ROCK2: variants seen among roughly 807,000 people sequenced by gnomAD.
ROCK2 encodes rho-associated protein kinase 2.
Under a neutral mutation model 195.1 loss-of-function variants are expected in ROCK2, and 61 were observed. The ratio of observed to expected loss-of-function variants is 0.31; its 90% CI spans 0.25 to 0.39. ROCK2 has a LOEUF of 0.39. Ranked by LOEUF, ROCK2 falls within the 10% of genes least tolerant of loss-of-function variation. The pLI is 1.00. For missense variants in ROCK2, 1,109 were observed against 1,637.4 expected (o/e 0.68, Z 5.57); for synonymous variants, 504 against 545.5 (o/e 0.92, Z 1.06).
chr2:11,308,597 G>A lies in ROCK2; in HGVS notation c.142-20861C>T, dbSNP rs985862896. On this transcript the variant is annotated intron_variant, in intron 1 of 32. Transcript: ENST00000315872. ...CATCAATCCCTATATTACAGTTAGT[G>A]TAAAGGATCTGAATGGCATAGACTT... is the stretch of plus-strand genomic sequence containing the variant. The A allele has an allele frequency of 4.7e-6, 7 of 1,494,714 alleles. No individual in the cohort carries two copies. In the African/African-American group the frequency reaches 8.3e-5, roughly 18 times the overall value. 92.6% of individuals were successfully genotyped at this position (1,494,714 alleles called of 1,614,324 possible). A position where few individuals can be genotyped will look rare whatever the true frequency, so the allele number is the denominator to read the frequency against.
chr2:11,214,573 CAGA>C (rs1361856346), intron 16 of ROCK2, 110 bp from the exon 17 acceptor site: 14 of 705,796 alleles, frequency 2.0e-5, no homozygotes, highest in Admixed American at 9.0e-5. Flanking sequence ...TGTTTGTGAG[CAGA>C]AGTTTTATAC....
chr2:11,294,209 GGAAA>G (rs1370804794), intron 1 of ROCK2, among the ~76,000 whole-genome samples: 1 of 151,534 alleles, frequency 6.6e-6, no homozygotes, highest in African/African-American at 2.4e-5. Context: ...AGAAAAGAAA[GGAAA>G]GAAAGGAAAG....
intron 1 of ROCK2, among the ~76,000 whole-genome samples, chr2:11,330,127 A>G (rs1030635065): frequency 1.3e-5 from 2 of 152,360 alleles, no homozygotes; most frequent in East Asian, 3.9e-4. Flanking sequence ...TAAATCATCC[A>G]TAACACTCTT....
Position 11,181,631 on chromosome 2 carries a change from C to CTTTTTTTTTTTTT in ROCK2, c.*1793_*1805dup, listed in dbSNP as rs397817126. ...TTTCCTTCATCGAAATATTAGATGA[C>CTTTTTTTTTTTTT]TTTTTTTTTTTTTTTTTTTTGAGAC... On this transcript the variant is annotated 3_prime_UTR_variant, in exon 33 of 33. Coordinates refer to ENST00000315872, the MANE Select transcript of ROCK2 (RefSeq NM_004850.5). The CTTTTTTTTTTTTT allele has an allele frequency of 3.1e-5, 4 of 130,114 alleles. No individual in the cohort carries two copies. Among genetic ancestry groups the CTTTTTTTTTTTTT allele is most frequent in the Non-Finnish European group, 6.5e-5 (4 of 61,468 alleles). 8.1% of individuals were successfully genotyped at this position (130,114 alleles called of 1,614,324 possible).
chr2:11,247,178 G>A (rs1052600824), intron 4 of ROCK2, among the ~76,000 whole-genome samples: 3 of 151,956 alleles, frequency 2.0e-5, no homozygotes, highest in African/African-American at 4.8e-5. Flanking sequence ...ACATAAAATA[G>A]AATAGCAGTT....
chr2:11,198,889 T>TC (rs1663742790), intron 23 of ROCK2, 115 bp from the exon 24 acceptor site: 4 of 698,206 alleles, frequency 5.7e-6, no homozygotes, highest in African/African-American at 1.8e-5. Flanking sequence ...TTTTCTTTTT[T>TC]TTTTTTTTTT....
At position 11,248,524 on chromosome 2, in the gene ROCK2, A is replaced by G. The variant is rs535984460; in HGVS notation, c.462+1137T>C. 2.9e-3 allele frequency among the ~76,000 whole-genome samples: 434 copies of G among 152,012 alleles called. 5 individuals carry two copies. Among genetic ancestry groups the G allele is most frequent in the Non-Finnish European group, 4.0e-3 (270 of 67,956 alleles). On this transcript the variant is annotated intron_variant, in intron 4 of 32. Coordinates refer to ENST00000315872, the MANE Select transcript of ROCK2 (RefSeq NM_004850.5). ...GCAGTTCAAGACCAGCCTGGCCAAC[A>G]TGGCAAAAACCCCATCTCTACTAAA... is the stretch of plus-strand genomic sequence containing the variant.
intron 1 of ROCK2, among the ~76,000 whole-genome samples, chr2:11,314,848 A>C (rs1315664863): frequency 6.6e-6 from 1 of 152,024 alleles, no homozygotes; most frequent in Non-Finnish European, 1.5e-5. Flanking sequence ...AGCTGCAAAA[A>C]AGGAAAAATG....
intron 27 of ROCK2, among the ~76,000 whole-genome samples, chr2:11,196,435 G>A (rs1663639389): frequency 6.6e-6 from 1 of 152,292 alleles, no homozygotes; most frequent in South Asian, 2.1e-4. Flanking sequence ...GTGAAACCAT[G>A]CGCTCTTAAG....
At chr2:11,238,546 A>G (rs10187981) in intron 4 of ROCK2, among the ~76,000 whole-genome samples, 37,771 of 152,102 alleles carry the variant, frequency 0.25, 5,401 homozygotes, top group East Asian at 0.54. Context: ...CTACAAAATT[A>G]CAATAATCAA....
At chr2:11,191,638 A>T (rs1253225774) in intron 32 of ROCK2, among the ~76,000 whole-genome samples, 1 of 152,208 alleles carries the variant, frequency 6.6e-6, no homozygotes, top group Non-Finnish European at 1.5e-5. Flanking sequence ...AAGTTATTAA[A>T]TTACTCAAGT....
At chr2:11,242,555 C>A (rs1236798167) in intron 4 of ROCK2, among the ~76,000 whole-genome samples, 1 of 152,036 alleles carries the variant, frequency 6.6e-6, no homozygotes. Context: ...AGCAGAATCC[C>A]ACCCTAAATC....
intron 5 of ROCK2, among the ~76,000 whole-genome samples, chr2:11,230,497 A>G (rs1277502961): frequency 3.3e-5 from 5 of 152,172 alleles, no homozygotes. Flanking sequence ...CAAGACTTCT[A>G]AGCCATAAAG....
chr2:11,329,102 A>AC (rs199519099), intron 1 of ROCK2, among the ~76,000 whole-genome samples: 212 of 151,254 alleles, frequency 1.4e-3, no homozygotes, highest in African/African-American at 5.1e-3. Flanking sequence ...AAAAGAAACA[A>AC]AAAAAAATAC....
At chr2:11,198,840 C>A in intron 23 of ROCK2, 66 bp from the exon 24 acceptor site, 7 of 870,242 alleles carry the variant, frequency 8.0e-6, no homozygotes, top group South Asian at 1.6e-5. Flanking sequence ...TAAAATGATT[C>A]AAATGAGAAA....
At chr2:11,260,633 T>C (rs954954656) in intron 3 of ROCK2, among the ~76,000 whole-genome samples, 3 of 152,214 alleles carry the variant, frequency 2.0e-5, no homozygotes, top group Non-Finnish European at 2.9e-5. Context: ...TTATTACCTA[T>C]GCTTGACTCA....
intron 4 of ROCK2, among the ~76,000 whole-genome samples, chr2:11,240,063 C>G (rs1665368827): frequency 6.6e-6 from 1 of 152,214 alleles, no homozygotes; most frequent in Non-Finnish European, 1.5e-5. Context: ...GTTCACCAAC[C>G]AGTAAGCTCC....
intron 1 of ROCK2, among the ~76,000 whole-genome samples, chr2:11,322,074 A>G (rs2148249786): frequency 6.6e-6 from 1 of 152,278 alleles, no homozygotes; most frequent in East Asian, 1.9e-4. Flanking sequence ...CACAGTGAGA[A>G]GGTGACCATC....
At chr2:11,336,757 G>A (rs1312193968) in intron 1 of ROCK2, among the ~76,000 whole-genome samples, 2 of 151,552 alleles carry the variant, frequency 1.3e-5, no homozygotes, top group Non-Finnish European at 2.9e-5. Context: ...TAATTATGTG[G>A]AGAAAAAAAA....
Sources: gnomAD v4.1 joint callset for allele counts (sites outside exome capture counted in the v4.1 genomes callset) on GRCh38, gnomAD v4.1.1 for gene constraint, MANE v1.5 for transcripts, NCBI Gene and HGNC (gene_info 2026-07-23, HGNC 2026-07-21) for gene names.